Variants in PPP2R2C observed in about 807,000 individuals in gnomAD.
PPP2R2C encodes the protein protein phosphatase 2, regulatory subunit B, gamma.
A neutral mutation model predicts 45.3 loss-of-function variants in PPP2R2C; 10 were observed. The observed-to-expected ratio is 0.22, with a 90% CI of 0.14 to 0.37. The LOEUF is 0.37. Among genes scored for constraint, PPP2R2C ranks in the 10% least tolerant of loss-of-function variants. The probability of loss-of-function intolerance (pLI) is 1.00; values close to 1 mark genes in which losing one functional copy is unlikely to be tolerated. For missense variants in PPP2R2C, 308 were observed against 619.7 expected, an observed-to-expected ratio of 0.50 and a Z score of 5.34; for synonymous variants, 257 against 245.4, an observed-to-expected ratio of 1.05 and a Z score of -0.44.
chr4:6,534,002 C>A (rs1724494367), intron 2 of PPP2R2C, among the ~76,000 whole-genome samples: 1 of 148,628 alleles, frequency 6.7e-6, no homozygotes, highest in Non-Finnish European at 1.5e-5. Context: ...ACACACACAC[C>A]CCAATATACA....
intron 1 of PPP2R2C, among the ~76,000 whole-genome samples, chr4:6,405,652 G>A (rs1020973100): frequency 1.3e-5 from 2 of 152,160 alleles, no homozygotes; most frequent in African/African-American, 4.8e-5. Flanking sequence ...GGCTGGGCCT[G>A]CTCCCAGGCC....
intron 6 of PPP2R2C, among the ~76,000 whole-genome samples, chr4:6,335,761 G>C (rs1220013238): frequency 1.3e-5 from 2 of 151,704 alleles, no homozygotes; most frequent in Admixed American, 6.6e-5. Flanking sequence ...GAGGGGGAGG[G>C]AAGCTGCTTA....
chr4:6,450,884 C>T (rs1463878880), intron 1 of PPP2R2C, among the ~76,000 whole-genome samples: 2 of 152,146 alleles, frequency 1.3e-5, no homozygotes, highest in African/African-American at 2.4e-5. Context: ...CGTGGGAAGC[C>T]GCTGTGCCCT....
chr4:6,448,209 G>A (rs776585933), intron 1 of PPP2R2C, among the ~76,000 whole-genome samples: 15 of 152,136 alleles, frequency 9.9e-5, no homozygotes, highest in Non-Finnish European at 2.1e-4. Context: ...TCCTCAGGTG[G>A]CTCTCACCAC....
intron 5 of PPP2R2C, 28 bp from the exon 6 acceptor site, chr4:6,348,038 C>A (rs1712167702): frequency 6.2e-7 from 1 of 1,606,572 alleles, no homozygotes; most frequent in African/African-American, 1.3e-5. Context: ...AAGGAAGGGG[C>A]AGTGAAGGGC....
At chr4:6,451,927 T>C (rs1299108502) in intron 1 of PPP2R2C, among the ~76,000 whole-genome samples, 3 of 152,060 alleles carry the variant, frequency 2.0e-5, no homozygotes, top group Non-Finnish European at 4.4e-5. Flanking sequence ...GGACAAAGTG[T>C]GAACAGTGAC....
chr4:6,430,756 C>T (rs1719568357), intron 1 of PPP2R2C, among the ~76,000 whole-genome samples: 1 of 152,096 alleles, frequency 6.6e-6, no homozygotes. Flanking sequence ...GAAACACCGC[C>T]TCCACTAAAA....
At chr4:6,545,349 G>T (rs998440152) in intron 1 of PPP2R2C, among the ~76,000 whole-genome samples, 10 of 152,186 alleles carry the variant, frequency 6.6e-5, no homozygotes, top group African/African-American at 2.4e-4. Flanking sequence ...CCACTAACAA[G>T]GTGCTTTAGA....
At position 6,389,886 on chromosome 4, in the gene PPP2R2C, T is replaced by C. The variant is rs534387784; in HGVS notation, c.71-8792A>G. 1.0e-3 allele frequency among the ~76,000 whole-genome samples: 156 copies of C among 152,286 alleles called. 1 individual carries two copies. The highest frequency in any genetic ancestry group is 2.1e-3 in the Non-Finnish European group (141 of 68,012). ...GATTGGATTCCAGCGGTCTGCCTCC[T>C]GAGTCCTTGAACTTGCCCCCCAGGC... is the stretch of plus-strand genomic sequence containing the variant. On this transcript the variant is annotated intron_variant, in intron 1 of 8. Transcript: ENST00000382599.
At chr4:6,396,272 C>A (rs1020687013) in intron 1 of PPP2R2C, among the ~76,000 whole-genome samples, 1 of 152,192 alleles carries the variant, frequency 6.6e-6, no homozygotes, top group Non-Finnish European at 1.5e-5. Context: ...GTGGGACAGC[C>A]ATGCACCTGA....
At chr4:6,527,999 T>C (rs527348063) in intron 2 of PPP2R2C, among the ~76,000 whole-genome samples, 3 of 152,302 alleles carry the variant, frequency 2.0e-5, no homozygotes, top group African/African-American at 7.2e-5. Flanking sequence ...ACTCCACTTA[T>C]AGAACACCAA....
chr4:6,453,358 C>A (rs1053641300), intron 1 of PPP2R2C, among the ~76,000 whole-genome samples: 2 of 152,146 alleles, frequency 1.3e-5, no homozygotes, highest in Non-Finnish European at 1.5e-5. Context: ...GAGGAAGGAG[C>A]GGCGTCAGGA....
rs370297958 is a variant in PPP2R2C, at chr4:6,444,164, C to T, written c.70+27996G>A. 2.4e-4 allele frequency among the ~76,000 whole-genome samples: 36 copies of T among 152,202 alleles called. No individual in the cohort carries two copies. In the East Asian group the frequency reaches 2.9e-3, roughly 12 times the overall value. Reference sequence around the variant, plus strand: ...ACAGAATCGACAAGGATTGATGGGACAGACACTCACCATGTGCCTAACATG... The same window carrying T: ...ACAGAATCGACAAGGATTGATGGGATAGACACTCACCATGTGCCTAACATG... On this transcript the variant is annotated intron_variant, in intron 1 of 8. Coordinates refer to ENST00000382599, the MANE Select transcript of PPP2R2C (RefSeq NM_020416.4).
At chr4:6,494,705 G>A (rs1001407724) in intron 2 of PPP2R2C, among the ~76,000 whole-genome samples, 4 of 152,190 alleles carry the variant, frequency 2.6e-5, no homozygotes, top group Non-Finnish European at 5.9e-5. Flanking sequence ...TGGGAGCAGG[G>A]CAGACAGGCA....
At chr4:6,549,297 G>A (rs189078559) in intron 1 of PPP2R2C, among the ~76,000 whole-genome samples, 4 of 152,022 alleles carry the variant, frequency 2.6e-5, no homozygotes, top group Admixed American at 2.0e-4. Flanking sequence ...CTCTGCTTTG[G>A]CCACACCAGC....
chr4:6,342,119 CACACACACAT>C (rs761887573), intron 6 of PPP2R2C, among the ~76,000 whole-genome samples: 54 of 137,460 alleles, frequency 3.9e-4, no homozygotes, highest in African/African-American at 1.6e-3. Flanking sequence ...CACACACACA[CACACACACAT>C]ACATATATAT....
intron 1 of PPP2R2C, among the ~76,000 whole-genome samples, chr4:6,548,656 A>C (rs929970503): frequency 6.6e-6 from 1 of 152,208 alleles, no homozygotes; most frequent in African/African-American, 2.4e-5. Context: ...AACCGACAGC[A>C]AGCTCCAGGG....
chr4:6,547,692 A>C (rs1447273318), intron 1 of PPP2R2C, among the ~76,000 whole-genome samples: 1 of 152,182 alleles, frequency 6.6e-6, no homozygotes, highest in African/African-American at 2.4e-5. Context: ...CAGCGTCTGC[A>C]ATGGGCCTGG....
intron 1 of PPP2R2C, among the ~76,000 whole-genome samples, chr4:6,545,962 G>C (rs969525769): frequency 4.6e-5 from 7 of 152,108 alleles, no homozygotes; most frequent in Admixed American, 6.6e-5. Flanking sequence ...TTCCCTGGGT[G>C]GGGGGTGGGG....
Sources: gnomAD v4.1 joint callset for allele counts (sites outside exome capture counted in the v4.1 genomes callset) on GRCh38, gnomAD v4.1.1 for gene constraint, MANE v1.5 for transcripts, NCBI Gene and HGNC (gene_info 2026-07-23, HGNC 2026-07-21) for gene names.